KDM4C: variants seen among roughly 807,000 people sequenced by gnomAD.
KDM4C encodes the protein lysine-specific demethylase 4C.
Under a neutral mutation model 129.3 loss-of-function variants are expected in KDM4C, and 81 were observed. The observed-to-expected ratio is 0.63, with a 90% CI of 0.52 to 0.75. The LOEUF (loss-of-function observed/expected upper bound fraction) is 0.75. Among genes scored for constraint, KDM4C ranks in the 30% least tolerant of loss-of-function variants. The pLI is 0.00. For missense variants in KDM4C, 1,457 were observed against 1,304.0 expected, an observed-to-expected ratio of 1.12 and a Z score of -1.81; for synonymous variants, 573 against 456.1, an observed-to-expected ratio of 1.26 and a Z score of -3.26.
rs199930894 is a variant in KDM4C at position 7,076,185 on chromosome 9, G to GA, written c.2424+26994dup. Among the ~76,000 whole-genome samples the GA allele has an allele frequency of 2.0e-3, 300 of 150,668 alleles. 1 individual carries two copies. The highest frequency in any genetic ancestry group is 6.8e-3 in the Admixed American group (103 of 15,130). On this transcript the variant is annotated intron_variant, in intron 17 of 21. Transcript: ENST00000381309. Reference sequence around the variant, plus strand: ...TAAACCAACAGCAAGAACAACAGAAGAAAAAAAAACCCAAAATCTTCCTCT... The same window carrying GA: ...TAAACCAACAGCAAGAACAACAGAAGAAAAAAAAAACCCAAAATCTTCCTCT...
intron 4 of KDM4C, 58 bp downstream of exon 4, chr9:6,814,803 C>G (rs781498508): frequency 3.6e-6 from 4 of 1,121,652 alleles, no homozygotes; most frequent in African/African-American, 1.6e-5. Context: ...AGTTTTGTTA[C>G]CATTTAAGCA....
intron 2 of KDM4C, among the ~76,000 whole-genome samples, chr9:6,794,239 C>G (rs1034813349): frequency 1.3e-5 from 2 of 152,234 alleles, no homozygotes; most frequent in Non-Finnish European, 2.9e-5. Flanking sequence ...AGCTTACATT[C>G]TAGTTGTAGC....
chr9:7,148,884 C>A (rs1842463745), intron 19 of KDM4C, among the ~76,000 whole-genome samples: 1 of 152,156 alleles, frequency 6.6e-6, no homozygotes, highest in East Asian at 1.9e-4. Context: ...CTGGAAAAAG[C>A]ACCACTTGAT....
intron 5 of KDM4C, among the ~76,000 whole-genome samples, chr9:6,858,600 CCT>C (rs1451578420): frequency 1.1e-4 from 17 of 152,106 alleles, no homozygotes; most frequent in African/African-American, 4.1e-4. Flanking sequence ...ATAGCAAAAC[CCT>C]CTGTCTACTA....
chr9:6,936,782 C>T (rs1372993245), intron 8 of KDM4C, among the ~76,000 whole-genome samples: 1 of 152,108 alleles, frequency 6.6e-6, no homozygotes, highest in Non-Finnish European at 1.5e-5. Flanking sequence ...ATTTTTGCTT[C>T]CTAATAACTA....
At chr9:7,123,638 G>T (rs866222306) in intron 18 of KDM4C, among the ~76,000 whole-genome samples, 2 of 152,202 alleles carry the variant, frequency 1.3e-5, no homozygotes, top group Non-Finnish European at 2.9e-5. Context: ...GCACTGATTC[G>T]TAGAGTTTAC....
At chr9:6,824,947 C>T (rs921200668) in intron 4 of KDM4C, among the ~76,000 whole-genome samples, 4 of 151,934 alleles carry the variant, frequency 2.6e-5, no homozygotes, top group Admixed American at 6.6e-5. Context: ...AGTTCGAGAC[C>T]AGCCTGGCCA....
At position 6,929,256 on chromosome 9, in the gene KDM4C, A is replaced by G. The variant is rs188772833; in HGVS notation, c.921+36024A>G. On this transcript the variant is annotated intron_variant, in intron 8 of 21. Coordinates refer to ENST00000381309, the MANE Select transcript of KDM4C (RefSeq NM_015061.6). ...GGTCATTGAAGACACATGTTTAGCTATAGCCTTTTGTTCAATAAATCTTGA... is the reference window on the plus strand; with the variant it reads ...GGTCATTGAAGACACATGTTTAGCTGTAGCCTTTTGTTCAATAAATCTTGA... Among the ~76,000 whole-genome samples, 62 of 152,310 alleles carry G rather than the reference A, an allele frequency of 4.1e-4. 1 individual carries two copies. Among genetic ancestry groups the G allele is most frequent in the Admixed American group, 4.0e-3 (61 of 15,296 alleles).
At chr9:6,820,108 T>C (rs1343971354) in intron 4 of KDM4C, among the ~76,000 whole-genome samples, 1 of 152,138 alleles carries the variant, frequency 6.6e-6, no homozygotes, top group African/African-American at 2.4e-5. Flanking sequence ...GAATCCTGCT[T>C]CTCAAGTAGT....
rs561469193 is a variant in KDM4C, at chr9:6,967,766, C to T, written c.922-13159C>T. 3.9e-5 allele frequency among the ~76,000 whole-genome samples: 6 copies of T among 152,234 alleles called. No individual in the cohort carries two copies. In the East Asian group the frequency reaches 7.7e-4, roughly 20 times the overall value. ...CCTCGAGTTCAGAGTTCAGAAGATC[C>T]GGGATGATACACATTATTAGTACTC... is the stretch of plus-strand genomic sequence containing the variant. On this transcript the variant is annotated intron_variant, in intron 8 of 21. Transcript: ENST00000381309.
In KDM4C at chr9:7,175,346, T is replaced by A. The variant is rs1845344812; in HGVS notation, c.*617T>A. ...TGATTGTGTCTGATGGGAACTGAGT[T>A]GTTGGCCTTTGTGAAATGAAATTTT... On this transcript the variant is annotated 3_prime_UTR_variant, in exon 22 of 22. Coordinates refer to ENST00000381309, the MANE Select transcript of KDM4C (RefSeq NM_015061.6). The A allele has an allele frequency of 2.0e-5, 3 of 152,672 alleles. No homozygotes were observed. The highest frequency in any genetic ancestry group is 7.2e-5 in the African/African-American group (3 of 41,464). 9.5% of individuals were successfully genotyped at this position (152,672 alleles called of 1,614,324 possible).
At chr9:6,875,377 A>T (rs963331506) in intron 5 of KDM4C, among the ~76,000 whole-genome samples, 2 of 152,054 alleles carry the variant, frequency 1.3e-5, no homozygotes, top group Non-Finnish European at 2.9e-5. Context: ...CAAGAGAGGG[A>T]GTGGGAGTTC....
chr9:7,011,911 C>G, intron 13 of KDM4C, 32 bp downstream of exon 13: 2 of 1,562,330 alleles, frequency 1.3e-6, no homozygotes, highest in South Asian at 1.1e-5. Flanking sequence ...GTTCCCTTCA[C>G]TGCTCTGCCT....
intron 1 of KDM4C, chr9:6,727,275 A>AC (rs1195472632): frequency 6.6e-6 from 1 of 150,746 alleles, no homozygotes; most frequent in African/African-American, 2.4e-5. Flanking sequence ...ACATGGAGAA[A>AC]CCCCGTCTCT....
intron 16 of KDM4C, 23 bp from the exon 17 acceptor site, chr9:7,049,069 G>T (rs1210920221): frequency 1.3e-6 from 2 of 1,554,626 alleles, no homozygotes; most frequent in Non-Finnish European, 8.9e-7. Flanking sequence ...TTTTGTTTAT[G>T]TTTAATGTCT....
chr9:7,016,778 C>T (rs1349841819), intron 15 of KDM4C, among the ~76,000 whole-genome samples: 2 of 152,076 alleles, frequency 1.3e-5, no homozygotes, highest in Admixed American at 6.6e-5. Flanking sequence ...CAGGGACTGT[C>T]AATTTATCGT....
At chr9:7,110,820 A>G (rs1838238569) in intron 18 of KDM4C, among the ~76,000 whole-genome samples, 2 of 152,220 alleles carry the variant, frequency 1.3e-5, no homozygotes, top group African/African-American at 2.4e-5. Flanking sequence ...AAATACAGCC[A>G]CTTTTCTAAG....
chr9:6,866,240 C>T (rs1841956253), intron 5 of KDM4C, among the ~76,000 whole-genome samples: 1 of 151,868 alleles, frequency 6.6e-6, no homozygotes, highest in Non-Finnish European at 1.5e-5. Flanking sequence ...TATAATTTAC[C>T]TTGGATTTAT....
intron 17 of KDM4C, among the ~76,000 whole-genome samples, chr9:7,075,819 T>C (rs1833844784): frequency 6.6e-6 from 1 of 152,128 alleles, no homozygotes; most frequent in South Asian, 2.1e-4. Flanking sequence ...ATTTTTTTTT[T>C]TTCTTTTTTT....
Sources: gnomAD v4.1 joint callset for allele counts (sites outside exome capture counted in the v4.1 genomes callset) on GRCh38, gnomAD v4.1.1 for gene constraint, MANE v1.5 for transcripts, NCBI Gene and HGNC (gene_info 2026-07-23, HGNC 2026-07-21) for gene names.